Variants in ARHGAP6 observed in about 807,000 individuals in gnomAD.
ARHGAP6 encodes Rho GTPase activating protein 6.
A neutral mutation model predicts 55.7 loss-of-function variants in ARHGAP6; 16 were observed. The ratio of observed to expected loss-of-function variants is 0.29; its 90% CI spans 0.19 to 0.44. The LOEUF (loss-of-function observed/expected upper bound fraction) is 0.44, where lower values mean the gene tolerates loss of function less well. Among genes scored for constraint, ARHGAP6 ranks in the 20% least tolerant of loss-of-function variants. The pLI, the probability that ARHGAP6 is intolerant of heterozygous loss-of-function variation, is 1.00. For missense variants in ARHGAP6, 698 were observed against 808.9 expected (o/e 0.86, Z 1.66); for synonymous variants, 382 against 360.9 (o/e 1.06, Z -0.66).
At position 11,354,266 on chromosome X, in the gene ARHGAP6, GCTCT is replaced by G. The variant is rs1182351194; in HGVS notation, c.589-99563_589-99560del. Among the ~76,000 whole-genome samples the G allele has an allele frequency of 2.2e-3, 162 of 73,121 alleles. 2 individuals carry two copies. Among genetic ancestry groups the G allele is most frequent in the African/African-American group, 4.2e-3 (75 of 18,047 alleles). 63.5% of individuals were successfully genotyped at this position (73,121 alleles called of 115,157 possible). On this transcript the variant is annotated intron_variant, in intron 1 of 12. Transcript: ENST00000337414. ...ATGTAGTACCTGGCACATGGAAAGAGCTCTCTCTCTCTCTCTCTCTCTCTCTCTT... is the reference window on the plus strand; with the variant it reads ...ATGTAGTACCTGGCACATGGAAAGAGCTCTCTCTCTCTCTCTCTCTCTCTT...
At chrX:11,588,079 C>T (rs1052043004) in intron 1 of ARHGAP6, among the ~76,000 whole-genome samples, 2 of 112,061 alleles carry the variant, frequency 1.8e-5, no homozygotes, top group Non-Finnish European at 3.8e-5. Flanking sequence ...TATGGAACTG[C>T]CCTTGAGATG....
chrX:11,346,374 A>G (rs2048784479), intron 1 of ARHGAP6, among the ~76,000 whole-genome samples: 1 of 111,826 alleles, frequency 8.9e-6, no homozygotes, highest in Admixed American at 9.5e-5. Context: ...AAAAGCCTGA[A>G]ATACTTACCA....
intron 1 of ARHGAP6, among the ~76,000 whole-genome samples, chrX:11,280,306 G>A (rs2047838441): frequency 9.0e-6 from 1 of 111,509 alleles, no homozygotes; most frequent in Admixed American, 9.5e-5. Context: ...TAGAGCCACA[G>A]AGTCCATTTG....
At chrX:11,647,124 G>A (rs779082300) in intron 1 of ARHGAP6, among the ~76,000 whole-genome samples, 2 of 112,096 alleles carry the variant, frequency 1.8e-5, no homozygotes, top group African/African-American at 6.5e-5. Context: ...AGATGTTAAC[G>A]TAATTGCTGA....
chrX:11,143,505 G>C (rs2045647232), intron 11 of ARHGAP6: 1 of 780,603 alleles, frequency 1.3e-6, no homozygotes. Context: ...GTGACTCCCA[G>C]TATAGTGCTC....
At chrX:11,227,698 TCTCCAGA>T (rs1412266022) in intron 2 of ARHGAP6, among the ~76,000 whole-genome samples, 1 of 110,348 alleles carries the variant, frequency 9.1e-6, no homozygotes, top group African/African-American at 3.3e-5. Context: ...TCCTCCCAAC[TCTCCAGA>T]TTGACAGCCT....
intron 1 of ARHGAP6, among the ~76,000 whole-genome samples, chrX:11,499,293 G>A (rs563510596): frequency 1.5e-4 from 17 of 111,370 alleles, no homozygotes; most frequent in South Asian, 7.6e-4. Flanking sequence ...TGTTTATTGC[G>A]GAATTGGGAG....
chrX:11,445,929 T>C (rs2050088206), intron 1 of ARHGAP6, among the ~76,000 whole-genome samples: 1 of 111,321 alleles, frequency 9.0e-6, no homozygotes, highest in African/African-American at 3.3e-5. Flanking sequence ...ATGAACCTTA[T>C]GCCCTGTGGT....
intron 1 of ARHGAP6, among the ~76,000 whole-genome samples, chrX:11,290,937 A>G (rs889354994): frequency 1.8e-5 from 2 of 112,277 alleles, no homozygotes; most frequent in Non-Finnish European, 1.9e-5. Flanking sequence ...AAGCTTGGGC[A>G]TATGATTTTC....
At chrX:11,443,662 C>A (rs1403530782) in intron 1 of ARHGAP6, among the ~76,000 whole-genome samples, 1 of 112,579 alleles carries the variant, frequency 8.9e-6, no homozygotes, top group African/African-American at 3.2e-5. Flanking sequence ...GGTGCGGTGG[C>A]TCACGCCTGT....
At chrX:11,437,729 C>T (rs1270200430) in intron 1 of ARHGAP6, among the ~76,000 whole-genome samples, 4 of 112,145 alleles carry the variant, frequency 3.6e-5, no homozygotes, top group Non-Finnish European at 1.9e-5. Flanking sequence ...GGCTGTGGGA[C>T]GCCCCGCCCC....
chrX:11,446,613 A>G (rs2050094728), intron 1 of ARHGAP6, among the ~76,000 whole-genome samples: 2 of 111,673 alleles, frequency 1.8e-5, no homozygotes, highest in South Asian at 7.6e-4. Context: ...ACGTGCACAC[A>G]TTTAATTCCA....
At chrX:11,516,247 A>T (rs1473693307) in intron 1 of ARHGAP6, among the ~76,000 whole-genome samples, 3 of 112,455 alleles carry the variant, frequency 2.7e-5, no homozygotes, top group African/African-American at 9.7e-5. Context: ...TATTGTGGTA[A>T]CATATACATA....
intron 2 of ARHGAP6, among the ~76,000 whole-genome samples, chrX:11,215,737 A>C (rs750381945): frequency 8.9e-6 from 1 of 112,501 alleles, no homozygotes; most frequent in African/African-American, 3.2e-5. Flanking sequence ...ATGGAGTTAA[A>C]AACAGTCCAG....
At chrX:11,160,405 C>T (rs185640006) in intron 9 of ARHGAP6, among the ~76,000 whole-genome samples, 7 of 106,564 alleles carry the variant, frequency 6.6e-5, no homozygotes, top group Admixed American at 5.0e-4. Flanking sequence ...TGCAGTGAGC[C>T]GAGATCATGC....
Position 11,590,096 on chromosome X carries a change from G to C in ARHGAP6, c.588+74145C>G, listed in dbSNP as rs1447777376. Among the ~76,000 whole-genome samples the C allele has an allele frequency of 4.5e-5, 5 of 111,340 alleles. No individual in the cohort carries two copies. In the Admixed American group the frequency reaches 4.8e-4, roughly 11 times the overall value. ...AAAACACAACTTATACTGGCTCTCTGTGTTCTGAGATTTCTTATGGTCCTG... is the reference window on the plus strand; with the variant it reads ...AAAACACAACTTATACTGGCTCTCTCTGTTCTGAGATTTCTTATGGTCCTG... On this transcript the variant is annotated intron_variant, in intron 1 of 12. Transcript: ENST00000337414.
chrX:11,441,500 C>T (rs2050038775), intron 1 of ARHGAP6, among the ~76,000 whole-genome samples: 1 of 111,507 alleles, frequency 9.0e-6, no homozygotes, highest in Non-Finnish European at 1.9e-5. Context: ...AGCAGCCAAC[C>T]ACAGGAGCCT....
chrX:11,549,871 G>T (rs2051248775), intron 1 of ARHGAP6, among the ~76,000 whole-genome samples: 1 of 112,632 alleles, frequency 8.9e-6, no homozygotes, highest in Admixed American at 9.4e-5. Flanking sequence ...CGAAGGTAAA[G>T]CATATTAAAA....
intron 1 of ARHGAP6, among the ~76,000 whole-genome samples, chrX:11,574,594 C>T (rs950479113): frequency 8.2e-5 from 9 of 109,812 alleles, no homozygotes; most frequent in Admixed American, 2.9e-4. Flanking sequence ...TAAGAGCTAT[C>T]TATGACAAAC....
Sources: gnomAD v4.1 joint callset for allele counts (sites outside exome capture counted in the v4.1 genomes callset) on GRCh38, gnomAD v4.1.1 for gene constraint, MANE v1.5 for transcripts, NCBI Gene and HGNC (gene_info 2026-07-23, HGNC 2026-07-21) for gene names.